The following RRP15 variants were observed in gnomAD, a reference collection of about 807,000 sequenced individuals.
The protein encoded by RRP15 is RRP15-like protein.
RRP15 carries 18 observed loss-of-function variants against 27.1 expected under a neutral mutation model. The ratio of observed to expected loss-of-function variants is 0.66; its 90% CI spans 0.46 to 0.98. RRP15 has a LOEUF of 0.98. Ranked by LOEUF, RRP15 falls within the 50% of genes least tolerant of loss-of-function variation. RRP15 has a pLI of 0.00. For synonymous variants in RRP15, 107 were observed against 109.4 expected, an observed-to-expected ratio of 0.98 and a Z score of 0.14; for missense variants, 359 against 337.8, an observed-to-expected ratio of 1.06 and a Z score of -0.49.
intron 1 of RRP15, among the ~76,000 whole-genome samples, chr1:218,299,589 G>A (rs1655778849): frequency 6.6e-6 from 1 of 152,134 alleles, no homozygotes; most frequent in South Asian, 2.1e-4. Flanking sequence ...AACACTAGAT[G>A]TCAGTGTTGC....
intron 4 of RRP15, among the ~76,000 whole-genome samples, chr1:218,329,160 G>C (rs1656325030): frequency 7.2e-6 from 1 of 139,500 alleles, no homozygotes; most frequent in Non-Finnish European, 1.5e-5. Flanking sequence ...CAGCACTTTG[G>C]GAAGCCAAGG....
At chr1:218,328,810 AAC>A (rs1255092324) in intron 4 of RRP15, among the ~76,000 whole-genome samples, 1 of 152,130 alleles carries the variant, frequency 6.6e-6, no homozygotes, top group Non-Finnish European at 1.5e-5. Context: ...CTCTTGTAGA[AAC>A]ACTCTGTGTT....
chr1:218,319,291 C>T (rs1339808529), intron 4 of RRP15, among the ~76,000 whole-genome samples: 3 of 152,152 alleles, frequency 2.0e-5, no homozygotes, highest in Non-Finnish European at 4.4e-5. Context: ...TCTCAAACTC[C>T]TGACCTCAGG....
rs66715330 is a variant in RRP15, at chr1:218,313,972, T to TTTTTATTTTA, written c.705+6372_705+6381dup. Among the ~76,000 whole-genome samples the TTTTTATTTTA allele has an allele frequency of 9.0e-3, 1,323 of 147,272 alleles. 17 individuals are homozygous for TTTTTATTTTA. Among genetic ancestry groups the TTTTTATTTTA allele is most frequent in the African/African-American group, 0.019 (761 of 39,698 alleles). ...ATATCTTGATGTTGACCCCGAGTGA[T>TTTTTATTTTA]TTTTATTTTATTTTATTTTATTTTA... On this transcript the variant is annotated intron_variant, in intron 4 of 4. Transcript: ENST00000366932.
intron 1 of RRP15, among the ~76,000 whole-genome samples, chr1:218,288,306 T>A (rs1055746034): frequency 6.6e-6 from 1 of 152,198 alleles, no homozygotes; most frequent in Non-Finnish European, 1.5e-5. Flanking sequence ...AAGAAAGTAT[T>A]CAATTTTGCA....
At chr1:218,324,125 C>G (rs1172141793) in intron 4 of RRP15, among the ~76,000 whole-genome samples, 1 of 152,198 alleles carries the variant, frequency 6.6e-6, no homozygotes, top group African/African-American at 2.4e-5. Context: ...CCCTCCGTGC[C>G]TGACTGTGCT....
chr1:218,308,263 G>A (rs979115554), intron 4 of RRP15, among the ~76,000 whole-genome samples: 8 of 151,238 alleles, frequency 5.3e-5, no homozygotes, highest in African/African-American at 1.9e-4. Context: ...GTAGAGACGG[G>A]GTTTCACCAT....
In RRP15 at chr1:218,332,646, TTTG is replaced by T. The variant is rs1487680979; in HGVS notation, c.*1558_*1560del. The T allele has an allele frequency of 6.6e-6, 1 of 152,132 alleles. No homozygotes were observed. The highest frequency in any genetic ancestry group is 1.5e-5 in the Non-Finnish European group (1 of 68,020). The allele number at this position is 152,132 out of a possible 1,614,324, so 9.4% of individuals were successfully genotyped here. A position where few individuals can be genotyped will look rare whatever the true frequency, so the allele number is the denominator to read the frequency against. The stretch of plus-strand genomic sequence containing the variant: ...AGCTGAATCAGTCTGTGGCCTGGTA[TTTG>T]TTATCATAAAGGAAGATGTACACCT... On this transcript the variant is annotated 3_prime_UTR_variant, in exon 5 of 5. Transcript: ENST00000366932.
At chr1:218,314,851 G>A (rs537571258) in intron 4 of RRP15, among the ~76,000 whole-genome samples, 95 of 151,770 alleles carry the variant, frequency 6.3e-4, no homozygotes, top group Non-Finnish European at 1.3e-3. Context: ...AATTAGCCAG[G>A]CGTGGTGGTA....
intron 4 of RRP15, among the ~76,000 whole-genome samples, chr1:218,321,824 C>A (rs114783428): frequency 0.016 from 2,376 of 152,030 alleles, 66 homozygotes; most frequent in African/African-American, 0.054. Context: ...GAATTTGCCT[C>A]AGGCTTTTTT....
intron 2 of RRP15, among the ~76,000 whole-genome samples, chr1:218,303,627 G>C (rs11118074): frequency 0.029 from 4,465 of 152,242 alleles, 88 homozygotes; most frequent in East Asian, 0.073. Flanking sequence ...GATTTCCTCT[G>C]GTCTCAGAGT....
intron 4 of RRP15, among the ~76,000 whole-genome samples, chr1:218,328,912 G>A (rs569781741): frequency 8.3e-4 from 127 of 152,218 alleles, no homozygotes; most frequent in Non-Finnish European, 1.4e-3. Flanking sequence ...TTCACACTGA[G>A]ATTGTACTTG....
chr1:218,331,565 T>A lies in RRP15; in HGVS notation c.*474T>A, dbSNP rs1354834360. 1 of 151,198 alleles carries A rather than the reference T, an allele frequency of 6.6e-6. No individual in the cohort carries two copies. The highest frequency in any genetic ancestry group is 6.6e-5 in the Admixed American group (1 of 15,158). The allele number at this position is 151,198 out of a possible 1,614,324, so 9.4% of individuals were successfully genotyped here. On this transcript the variant is annotated 3_prime_UTR_variant, in exon 5 of 5. Transcript: ENST00000366932. ...ATTGAGAAAACCTATATAATAAAAT[T>A]TAAAATTATAGTTTTTCAGATTTTG...
chr1:218,303,792 CTT>C (rs749216402), intron 2 of RRP15, among the ~76,000 whole-genome samples: 20 of 151,874 alleles, frequency 1.3e-4, no homozygotes, highest in African/African-American at 4.9e-5. Context: ...TACAAATGCT[CTT>C]TGTGTGTATT....
Position 218,333,238 on chromosome 1 carries a change from A to G in RRP15, c.*2147A>G, listed in dbSNP as rs1481549312. 3 of 152,184 alleles carry G rather than the reference A, an allele frequency of 2.0e-5. No individual in the cohort carries two copies. Among genetic ancestry groups the G allele is most frequent in the African/African-American group, 4.8e-5 (2 of 41,456 alleles). 9.4% of individuals were successfully genotyped at this position (152,184 alleles called of 1,614,324 possible). On this transcript the variant is annotated 3_prime_UTR_variant, in exon 5 of 5. Coordinates refer to ENST00000366932, the MANE Select transcript of RRP15 (RefSeq NM_016052.4). ...AGGCTATGAAGTATATATAAATTAT[A>G]TGACAATTTTTATCATATAGATTTG...
rs574536569 is a variant in RRP15, at chr1:218,312,567, A to G, written c.705+4935A>G. ...TTAAATTCAGTGGAGATTTGGTTCT[A>G]TGGAATGAATCAGATCACCACATAT... is the stretch of plus-strand genomic sequence containing the variant. On this transcript the variant is annotated intron_variant, in intron 4 of 4. Coordinates refer to ENST00000366932, the MANE Select transcript of RRP15 (RefSeq NM_016052.4). 3.3e-5 allele frequency among the ~76,000 whole-genome samples: 5 copies of G among 152,240 alleles called. No homozygotes were observed. In the South Asian group the frequency reaches 1.0e-3, roughly 32 times the overall value.
At chr1:218,294,567 G>A (rs919797179) in intron 1 of RRP15, among the ~76,000 whole-genome samples, 2 of 152,142 alleles carry the variant, frequency 1.3e-5, no homozygotes, top group African/African-American at 4.8e-5. Flanking sequence ...GTGAAGGTGT[G>A]TGGAGCTTCC....
intron 4 of RRP15, among the ~76,000 whole-genome samples, chr1:218,313,860 C>A (rs1656039041): frequency 6.6e-6 from 1 of 152,122 alleles, no homozygotes; most frequent in South Asian, 2.1e-4. Flanking sequence ...GGAAGGAATT[C>A]CCTAATCCAG....
At chr1:218,325,688 A>T (rs1656260525) in intron 4 of RRP15, among the ~76,000 whole-genome samples, 1 of 152,094 alleles carries the variant, frequency 6.6e-6, no homozygotes, top group South Asian at 2.1e-4. Flanking sequence ...TAATATTCTC[A>T]TTGTGTCCTG....
Sources: gnomAD v4.1 joint callset for allele counts (sites outside exome capture counted in the v4.1 genomes callset) on GRCh38, gnomAD v4.1.1 for gene constraint, MANE v1.5 for transcripts, NCBI Gene and HGNC (gene_info 2026-07-23, HGNC 2026-07-21) for gene names.